Variants in LARP1B observed in about 807,000 individuals in gnomAD.
LARP1B encodes the protein la-related protein 1B.
In LARP1B, 76 loss-of-function variants were observed where a neutral mutation model predicts 114.2. The observed-to-expected ratio is 0.67, with a 90% confidence interval of 0.55 to 0.81. The LOEUF (loss-of-function observed/expected upper bound fraction) is 0.81, where lower values mean the gene tolerates loss of function less well. LARP1B is among the 30% of genes least tolerant of loss of function. The pLI is 0.00. For missense variants in LARP1B, 1,014 were observed against 1,075.8 expected, an observed-to-expected ratio of 0.94 and a Z score of 0.80; for synonymous variants, 345 against 348.0, an observed-to-expected ratio of 0.99 and a Z score of 0.10.
chr4:128,111,236 C>T (rs529229415), intron 9 of LARP1B, among the ~76,000 whole-genome samples: 6 of 151,854 alleles, frequency 4.0e-5, no homozygotes, highest in East Asian at 1.9e-4. Context: ...TTAGTAGAGA[C>T]GGGGTTTCAC....
chr4:128,187,059 C>T (rs779709896), intron 15 of LARP1B, among the ~76,000 whole-genome samples: 7 of 152,194 alleles, frequency 4.6e-5, no homozygotes, highest in Non-Finnish European at 1.0e-4. Flanking sequence ...TAGACTAAAG[C>T]CTGCTGTAGG....
chr4:128,093,324 C>T (rs543146156), intron 7 of LARP1B, among the ~76,000 whole-genome samples: 32 of 152,138 alleles, frequency 2.1e-4, no homozygotes, highest in South Asian at 6.3e-4. Flanking sequence ...TGGCCAGGTG[C>T]GGTGGCTCAC....
chr4:128,084,494 G>A (rs1336624652), intron 5 of LARP1B, among the ~76,000 whole-genome samples: 3 of 152,162 alleles, frequency 2.0e-5, no homozygotes, highest in Admixed American at 6.5e-5. Flanking sequence ...GCGTGGTGGC[G>A]CGCGCCTGCA....
rs745741625 is a variant in LARP1B, at chr4:128,108,092, C to T, written c.988+779C>T. ...ACTGCAGTGGAGATAACCACCTTTGCGATAATGAGAGACAGACCAGAGGAC... is the reference window on the plus strand; with the variant it reads ...ACTGCAGTGGAGATAACCACCTTTGTGATAATGAGAGACAGACCAGAGGAC... On this transcript the variant is annotated intron_variant, in intron 9 of 19. Coordinates refer to ENST00000326639, the MANE Select transcript of LARP1B (RefSeq NM_018078.4). The T allele has an allele frequency of 3.7e-4, 513 of 1,388,046 alleles. 1 individual carries two copies. The highest frequency in any genetic ancestry group is 6.7e-4 in the South Asian group (37 of 55,148). 86.0% of individuals were successfully genotyped at this position (1,388,046 alleles called of 1,614,324 possible).
intron 1 of LARP1B, chr4:128,069,417 C>T (rs552678214): frequency 6.0e-5 from 46 of 761,052 alleles, no homozygotes; most frequent in South Asian, 5.4e-4. Flanking sequence ...TGGGTGCTTT[C>T]GGCCACCATG....
chr4:128,165,905 T>C lies in LARP1B; in HGVS notation c.1648+3588T>C, dbSNP rs1740605214. Among the ~76,000 whole-genome samples, 3 of 152,250 alleles carry C rather than the reference T, an allele frequency of 2.0e-5. 1 individual carries two copies. The South Asian group carries it at 6.2e-4, about 32-fold the overall frequency. On this transcript the variant is annotated intron_variant, in intron 12 of 19. Coordinates refer to ENST00000326639, the MANE Select transcript of LARP1B (RefSeq NM_018078.4). ...CCTAACTTCTAAAATTTGGAAGCTT[T>C]AGGACCCAGTCCTCAAATTTCTCCT...
chr4:128,087,598 C>T (rs1385073663), intron 5 of LARP1B, among the ~76,000 whole-genome samples: 1 of 152,174 alleles, frequency 6.6e-6, no homozygotes, highest in East Asian at 1.9e-4. Flanking sequence ...GATGTTGACG[C>T]TTTATCACTA....
At chr4:128,183,364 GC>G (rs1749221435) in intron 15 of LARP1B, among the ~76,000 whole-genome samples, 1 of 152,122 alleles carries the variant, frequency 6.6e-6, no homozygotes, top group Non-Finnish European at 1.5e-5. Flanking sequence ...CAATGCCAGG[GC>G]TCTTTTGAAT....
intron 1 of LARP1B, among the ~76,000 whole-genome samples, chr4:128,070,556 G>A (rs1236128491): frequency 2.0e-5 from 3 of 152,088 alleles, no homozygotes; most frequent in Non-Finnish European, 4.4e-5. Flanking sequence ...AGCTACTTGG[G>A]AGGCTGAGGT....
chr4:128,110,770 TG>T (rs1783841713), intron 9 of LARP1B, among the ~76,000 whole-genome samples: 1 of 151,440 alleles, frequency 6.6e-6, no homozygotes, highest in South Asian at 2.1e-4. Context: ...TTCTAAGAAT[TG>T]TACGTTTTCT....
At chr4:128,125,760 AAAAC>A (rs1789384813) in intron 11 of LARP1B, among the ~76,000 whole-genome samples, 2 of 152,158 alleles carry the variant, frequency 1.3e-5, no homozygotes, top group Admixed American at 1.3e-4. Flanking sequence ...ACAAAAAACA[AAAAC>A]AAAAACAAAA....
Position 128,068,101 on chromosome 4 carries a change from C to T in LARP1B, c.-77-6359C>T, listed in dbSNP as rs185229427. Among the ~76,000 whole-genome samples the T allele has an allele frequency of 5.2e-3, 790 of 152,202 alleles. 9 individuals are homozygous for T. The highest frequency in any genetic ancestry group is 0.02 in the Middle Eastern group (6 of 294). On this transcript the variant is annotated intron_variant, in intron 1 of 19. Coordinates refer to ENST00000326639, the MANE Select transcript of LARP1B (RefSeq NM_018078.4). ...TTCACCACGTTAGCCAGGATGGTCT[C>T]GATCTCCTGACCTCGTGATCCACCC...
chr4:128,172,937 ATGTGTGTGTGTG>A (rs57382183), intron 12 of LARP1B, among the ~76,000 whole-genome samples: 5 of 136,998 alleles, frequency 3.6e-5, no homozygotes, highest in Non-Finnish European at 6.3e-5. Flanking sequence ...ATCCCATCCA[ATGTGTGTGTGTG>A]TGTGTGTGTG....
intron 6 of LARP1B, among the ~76,000 whole-genome samples, chr4:128,219,847 G>A (rs62321076): frequency 0.69 from 105,200 of 151,498 alleles, 36,984 homozygotes; most frequent in Middle Eastern, 0.84. Context: ...TTAGGAAGGG[G>A]GTTATGTTTA....
chr4:128,203,235 G>A (rs1292900006), intron 17 of LARP1B, among the ~76,000 whole-genome samples: 1 of 151,974 alleles, frequency 6.6e-6, no homozygotes, highest in Non-Finnish European at 1.5e-5. Flanking sequence ...CTCTCATGGG[G>A]TTATTGTGAA....
At chr4:128,196,427 G>A (rs1273282997) in intron 15 of LARP1B, among the ~76,000 whole-genome samples, 2 of 151,872 alleles carry the variant, frequency 1.3e-5, no homozygotes, top group African/African-American at 2.4e-5. Flanking sequence ...GCTGAGGTGG[G>A]AGGATTGCCT....
At chr4:128,079,986 C>CTT (rs1268942912) in intron 4 of LARP1B, among the ~76,000 whole-genome samples, 2 of 144,318 alleles carry the variant, frequency 1.4e-5, no homozygotes, top group African/African-American at 2.5e-5. Context: ...TAAAATTTGT[C>CTT]TTTTTTTTTT....
Position 128,200,523 on chromosome 4 carries a change from A to G in LARP1B, c.2167A>G (p.Arg723Gly), listed in dbSNP as rs1755618126. 1 of 1,455,134 alleles carries G rather than the reference A, an allele frequency of 6.9e-7. No individual in the cohort carries two copies. The highest frequency in any genetic ancestry group is 9.1e-7 in the Non-Finnish European group (1 of 1,099,962). 90.1% of individuals were successfully genotyped at this position (1,455,134 alleles called of 1,614,324 possible). ...ATATTTTATTTAACTTTTTTCAGAG[A>G]GAAAACGCTTGGGAATTGGTCAGTC... ...HKYRRRCLSE[R>G]KRLGIGQSQE... is the part of the protein sequence containing the mutation. Residue 723 changes from arginine to glycine, a missense_variant and splice_region_variant, in exon 17 of 20, where the codon AGA (arginine) becomes GGA (glycine). Physicochemically the swap from Arg to Gly is moderately radical, Grantham distance 125 (BLOSUM62 -2). Transcript: ENST00000326639.
At chr4:128,189,488 T>C (rs1751531195) in intron 15 of LARP1B, among the ~76,000 whole-genome samples, 1 of 152,000 alleles carries the variant, frequency 6.6e-6, no homozygotes, top group Non-Finnish European at 1.5e-5. Context: ...CATGCTTATA[T>C]CTTTTGGTTG....
Sources: gnomAD v4.1 joint callset for allele counts (sites outside exome capture counted in the v4.1 genomes callset) on GRCh38, gnomAD v4.1.1 for gene constraint, MANE v1.5 for transcripts, NCBI Gene and HGNC (gene_info 2026-07-23, HGNC 2026-07-21) for gene names.